The following OR52E5 variants were observed in gnomAD, a reference collection of about 807,000 sequenced individuals.
The protein encoded by OR52E5 is olfactory receptor 52E5.
chr11:5,898,063 T>C (rs1315434042), intron 2 of OR52E5, among the ~76,000 whole-genome samples: 1 of 151,932 alleles, frequency 6.6e-6, no homozygotes, highest in Non-Finnish European at 1.5e-5. Flanking sequence ...CTCCCTATGT[T>C]TCCCAGGCTG....
chr11:5,898,283 T>C (rs12808378), intron 2 of OR52E5, among the ~76,000 whole-genome samples: 59,813 of 151,986 alleles, frequency 0.39, 12,763 homozygotes, highest in Non-Finnish European at 0.48. Context: ...CACGTTTTAA[T>C]TGGGTTTTGT....
rs547908858 is a variant in OR52E5, at chr11:5,901,676, G to C, written c.900G>C (p.Glu300Asp). Reference sequence around the variant, plus strand: ...GGGTCAAAACAAAACAGATACGAGAGCAGGTACTTAGGATACTCAACCCTA... The same window carrying C: ...GGGTCAAAACAAAACAGATACGAGACCAGGTACTTAGGATACTCAACCCTA... Reference protein sequence around the residue: ...IYGVKTKQIREQVLRILNPKS... With the variant: ...IYGVKTKQIRDQVLRILNPKS... Residue 300 changes from glutamate to aspartate, a missense_variant, in exon 3 of 3, where the codon GAG (glutamate) becomes GAC (aspartate). By Grantham distance (45) the Glu-to-Asp change is conservative. Transcript: ENST00000610445. 73 of 401,130 alleles carry C rather than the reference G, an allele frequency of 1.8e-4. No individual in the cohort carries two copies. The highest frequency in any genetic ancestry group is 1.4e-3 in the African/African-American group (68 of 48,794). 24.8% of individuals were successfully genotyped at this position (401,130 alleles called of 1,614,324 possible). A position where few individuals can be genotyped will look rare whatever the true frequency, so the allele number is the denominator to read the frequency against.
At chr11:5,894,538 A>G (rs376843878) in intron 1 of OR52E5, among the ~76,000 whole-genome samples, 6 of 152,228 alleles carry the variant, frequency 3.9e-5, no homozygotes, top group African/African-American at 1.4e-4. Context: ...GACTAAAGCT[A>G]GACAGGAAAG....
At position 5,900,684 on chromosome 11, in the gene OR52E5, A is replaced by T. The variant is rs942283489; in HGVS notation, c.-93A>T. 6 of 397,852 alleles carry T rather than the reference A, an allele frequency of 1.5e-5. No individual in the cohort carries two copies. In the Admixed American group the frequency reaches 1.8e-4, roughly 12 times the overall value. The allele number at this position is 397,852 out of a possible 1,614,324, so 24.6% of individuals were successfully genotyped here. ...AGAATGGATTTTCTGTTTCCCCAAG[A>T]AATAGACACCATGCTGTGAAAGAAG... On this transcript the variant is annotated 5_prime_UTR_variant, in exon 3 of 3. The change creates a premature stop within an existing upstream ORF in the 5' untranslated region. Coordinates refer to ENST00000610445, the MANE Select transcript of OR52E5 (RefSeq NM_001005166.5).
chr11:5,902,478 A>G lies in OR52E5; in HGVS notation c.*718A>G, dbSNP rs1334126789. The stretch of plus-strand genomic sequence containing the variant: ...CTCCAGATCCAGATTATCCCAACGC[A>G]TGGGCCTCTTCATGGACCTCTCAGC... On this transcript the variant is annotated 3_prime_UTR_variant, in exon 3 of 3. Coordinates refer to ENST00000610445, the MANE Select transcript of OR52E5 (RefSeq NM_001005166.5). 3 of 152,058 alleles carry G rather than the reference A, an allele frequency of 2.0e-5. No individual in the cohort carries two copies. The highest frequency in any genetic ancestry group is 4.4e-5 in the Non-Finnish European group (3 of 68,016). The allele number at this position is 152,058 out of a possible 1,614,324, so 9.4% of individuals were successfully genotyped here.
rs1196883473 is a variant in OR52E5 at position 5,902,258 on chromosome 11, T to C, written c.*498T>C. 1 of 152,694 alleles carries C rather than the reference T, an allele frequency of 6.5e-6. No homozygotes were observed. The highest frequency in any genetic ancestry group is 1.5e-5 in the Non-Finnish European group (1 of 68,358). The allele number at this position is 152,694 out of a possible 1,614,324, so 9.5% of individuals were successfully genotyped here. A position where few individuals can be genotyped will look rare whatever the true frequency, so the allele number is the denominator to read the frequency against. On this transcript the variant is annotated 3_prime_UTR_variant, in exon 3 of 3. Transcript: ENST00000610445. Reference sequence around the variant, plus strand: ...ACAATAACAAATTCATACTGATTTATAGCATTTTATGAGCAGGGATATTGA... The same window carrying C: ...ACAATAACAAATTCATACTGATTTACAGCATTTTATGAGCAGGGATATTGA...
intron 2 of OR52E5, among the ~76,000 whole-genome samples, chr11:5,899,992 C>T (rs911073315): frequency 1.3e-5 from 2 of 152,108 alleles, no homozygotes; most frequent in South Asian, 4.1e-4. Flanking sequence ...TACACTGCCA[C>T]TATCTAGGTG....
At chr11:5,900,580 A>C in intron 2 of OR52E5, 52 bp from the exon 3 acceptor site, 1 of 385,778 alleles carries the variant, frequency 2.6e-6, no homozygotes, top group Non-Finnish European at 4.6e-6. Context: ...AGTGAGGCAA[A>C]TATTTAAAAG....
rs963346475 is a variant in OR52E5 at position 5,901,350 on chromosome 11, G to A, written c.574G>A (p.Ala192Thr). The A allele has an allele frequency of 7.5e-6, 3 of 401,542 alleles. No individual in the cohort carries two copies. The highest frequency in any genetic ancestry group is 1.3e-5 in the Non-Finnish European group (3 of 226,370). The allele number at this position is 401,542 out of a possible 1,614,324, so 24.9% of individuals were successfully genotyped here. A position where few individuals can be genotyped will look rare whatever the true frequency, so the allele number is the denominator to read the frequency against. Residue 192 changes from alanine (A) to threonine (T), a missense_variant, in exon 3 of 3, where the codon GCC becomes ACC. Coordinates refer to ENST00000610445, the MANE Select transcript of OR52E5 (RefSeq NM_001005166.5). ...CATGGGCTTGGCAAAGTTAGCTTGTGCCAGTATTAATGTTATATATGGATT... is the reference window on the plus strand; with the variant it reads ...CATGGGCTTGGCAAAGTTAGCTTGTACCAGTATTAATGTTATATATGGATT... The part of the protein sequence containing the change: ...EHMGLAKLAC[A>T]SINVIYGLIA...
rs1479860423 is a variant in OR52E5 at position 5,901,378 on chromosome 11, T to C, written c.602T>C (p.Ile201Thr). 2.0e-5 allele frequency: 8 copies of C among 401,532 alleles called. No homozygotes were observed. The highest frequency in any genetic ancestry group is 4.4e-5 in the Admixed American group (1 of 22,720). The allele number at this position is 401,532 out of a possible 1,614,324, so 24.9% of individuals were successfully genotyped here. A position where few individuals can be genotyped will look rare whatever the true frequency, so the allele number is the denominator to read the frequency against. Residue 201 changes from isoleucine to threonine, a missense_variant, in exon 3 of 3, where the codon ATT (isoleucine) becomes ACT (threonine). Physicochemically the swap from Ile to Thr is moderately conservative, Grantham distance 89 (BLOSUM62 -1). Coordinates refer to ENST00000610445, the MANE Select transcript of OR52E5 (RefSeq NM_001005166.5). ...AGTATTAATGTTATATATGGATTGATTGCCTTCTCAGTGGGATACATTGAC... is the reference window on the plus strand; with the variant it reads ...AGTATTAATGTTATATATGGATTGACTGCCTTCTCAGTGGGATACATTGAC... ...CASINVIYGL[I>T]AFSVGYIDIS... is the part of the protein sequence containing the mutation.
chr11:5,894,966 G>C (rs1356113524), intron 1 of OR52E5, among the ~76,000 whole-genome samples: 2 of 152,078 alleles, frequency 1.3e-5, no homozygotes, highest in Non-Finnish European at 2.9e-5. Context: ...GCCATAGTTT[G>C]TGTTCTCAGA....
intron 1 of OR52E5, among the ~76,000 whole-genome samples, chr11:5,894,514 T>C (rs192908026): frequency 2.6e-5 from 4 of 152,282 alleles, no homozygotes; most frequent in Admixed American, 2.6e-4. Flanking sequence ...ATCTAGGCTA[T>C]GTACTATAGT....
intron 2 of OR52E5, among the ~76,000 whole-genome samples, chr11:5,900,035 C>T (rs992174645): frequency 3.9e-5 from 6 of 152,034 alleles, no homozygotes; most frequent in African/African-American, 7.2e-5. Context: ...TTATATAATG[C>T]GAAATGGAGA....
At chr11:5,900,375 T>TACACAC (rs61415771) in intron 2 of OR52E5, among the ~76,000 whole-genome samples, 1 of 150,368 alleles carries the variant, frequency 6.7e-6, no homozygotes, top group Non-Finnish European at 1.5e-5. Flanking sequence ...AGTGACATTT[T>TACACAC]ACACACACAC....
At position 5,901,382 on chromosome 11, in the gene OR52E5, C is replaced by T. The variant is rs1412230284; in HGVS notation, c.606C>T (p.Ala202=). ...TTAATGTTATATATGGATTGATTGC[C>T]TTCTCAGTGGGATACATTGACATTT... ...ASINVIYGLI[A]FSVGYIDISV... is the part of the protein sequence containing the mutation. Residue 202 remains alanine (A), a synonymous_variant, in exon 3 of 3, where the codon GCC becomes GCT. Coordinates refer to ENST00000610445, the MANE Select transcript of OR52E5 (RefSeq NM_001005166.5). 1.2e-5 allele frequency: 5 copies of T among 401,388 alleles called. No homozygotes were observed. Among genetic ancestry groups the T allele is most frequent in the South Asian group, 1.3e-4 (1 of 7,956 alleles). The allele number at this position is 401,388 out of a possible 1,614,324, so 24.9% of individuals were successfully genotyped here.
intron 2 of OR52E5, among the ~76,000 whole-genome samples, chr11:5,899,873 C>T (rs527542450): frequency 3.0e-4 from 45 of 152,274 alleles, no homozygotes; most frequent in African/African-American, 9.6e-4. Flanking sequence ...AAACATATCA[C>T]TGTCCATCAA....
At position 5,901,553 on chromosome 11, in the gene OR52E5, G is replaced by A; in HGVS notation, c.777G>A (p.Met259Ile). ...ACCTGCCAGCCCTCTTTTCCTTCAT[G>A]ACACACCGCTTTGGCCACAACATCC... is the stretch of plus-strand genomic sequence containing the variant. ...AFYLPALFSF[M>I]THRFGHNIPH... The change falls in exon 3 of 3, where the codon ATG becomes ATA. Residue 259 changes from methionine to isoleucine, a missense_variant. Transcript: ENST00000610445. 2.5e-6 allele frequency: 1 copy of A among 401,708 alleles called. No individual in the cohort carries two copies. Among genetic ancestry groups the A allele is most frequent in the Non-Finnish European group, 4.4e-6 (1 of 226,380 alleles). 24.9% of individuals were successfully genotyped at this position (401,708 alleles called of 1,614,324 possible).
chr11:5,897,575 G>A (rs79847697), intron 2 of OR52E5, among the ~76,000 whole-genome samples: 18,098 of 152,220 alleles, frequency 0.12, 1,198 homozygotes, highest in Middle Eastern at 0.17. Flanking sequence ...TGTGAATAGT[G>A]CTGTGATAAG....
chr11:5,895,093 T>C (rs1224532372), intron 1 of OR52E5, among the ~76,000 whole-genome samples: 1 of 152,222 alleles, frequency 6.6e-6, no homozygotes. Flanking sequence ...AGAGAACCAC[T>C]ACACATTTTT....
Sources: gnomAD v4.1 joint callset for allele counts (sites outside exome capture counted in the v4.1 genomes callset) on GRCh38, gnomAD v4.1.1 for gene constraint, MANE v1.5 for transcripts, NCBI Gene and HGNC (gene_info 2026-07-23, HGNC 2026-07-21) for gene names.